Variants in PARD3B observed in about 807,000 individuals in gnomAD.
The protein encoded by PARD3B is par-3 family cell polarity regulator beta, also known as partitioning defective 3 homolog B.
PARD3B carries 103 observed loss-of-function variants against 130.2 expected under a neutral mutation model. That is an observed-to-expected ratio of 0.79 (90% CI 0.67 to 0.93). PARD3B has a LOEUF of 0.93. Among genes scored for constraint, PARD3B ranks in the 40% least tolerant of loss-of-function variants. The pLI is 0.00. For missense variants in PARD3B, 1,609 were observed against 1,499.2 expected, an observed-to-expected ratio of 1.07 and a Z score of -1.21; for synonymous variants, 583 against 553.2, an observed-to-expected ratio of 1.05 and a Z score of -0.76.
In PARD3B at chr2:205,124,503, C is replaced by T. The variant is rs750344335; in HGVS notation, c.1305+37C>T. 5 of 1,489,812 alleles carry T rather than the reference C, an allele frequency of 3.4e-6. No individual in the cohort carries two copies. In the African/African-American group the frequency reaches 5.6e-5, roughly 17 times the overall value. 92.3% of individuals were successfully genotyped at this position (1,489,812 alleles called of 1,614,324 possible). On this transcript the variant is annotated intron_variant, in intron 9 of 22. Coordinates refer to ENST00000406610, the MANE Select transcript of PARD3B (RefSeq NM_001302769.2). ...AATTAATAGTTGTATGAAAATATTT[C>T]TTGGCATTTAAATAATGCCATTTAA...
intron 10 of PARD3B, among the ~76,000 whole-genome samples, chr2:205,152,492 A>G (rs965370382): frequency 6.6e-6 from 1 of 151,972 alleles, no homozygotes; most frequent in East Asian, 1.9e-4. Flanking sequence ...TTCTCGCTTC[A>G]TTTCATTCAT....
In PARD3B at chr2:205,000,019, G is replaced by GTT. The variant is rs796978993; in HGVS notation, c.394+34708_394+34709dup. ...ATATAAGGAGTGTTCAAGTCACAGG[G>GTT]TTTTTTTTTTTTTATCGTGCTCCTT... is the stretch of plus-strand genomic sequence containing the variant. On this transcript the variant is annotated intron_variant, in intron 3 of 22. Coordinates refer to ENST00000406610, the MANE Select transcript of PARD3B (RefSeq NM_001302769.2). Among the ~76,000 whole-genome samples, 397 of 144,722 alleles carry GTT rather than the reference G, an allele frequency of 2.7e-3. 2 individuals are homozygous for GTT. Among genetic ancestry groups the GTT allele is most frequent in the African/African-American group, 9.1e-3 (360 of 39,758 alleles). 94.9% of individuals were successfully genotyped at this position (144,722 alleles called of 152,430 possible).
At position 205,351,808 on chromosome 2, in the gene PARD3B, A is replaced by G. The variant is rs2044004009; in HGVS notation, c.2631-49205A>G. Among the ~76,000 whole-genome samples, 1 of 152,150 alleles carries G rather than the reference A, an allele frequency of 6.6e-6. No individual in the cohort carries two copies. The highest frequency in any genetic ancestry group is 1.5e-5 in the Non-Finnish European group (1 of 68,012). The stretch of plus-strand genomic sequence containing the variant: ...AATGTAGGGCAGAAACAAGAAAAAA[A>G]AAAAACGTTGGCTTCCAGAGACCAG... On this transcript the variant is annotated intron_variant, in intron 18 of 22. Coordinates refer to ENST00000406610, the MANE Select transcript of PARD3B (RefSeq NM_001302769.2). The surrounding 1 kb of genome is among the most constrained non-coding windows in gnomAD (Gnocchi z 4.2).
intron 1 of PARD3B, among the ~76,000 whole-genome samples, chr2:204,685,294 T>C (rs990417247): frequency 4.6e-5 from 7 of 152,152 alleles, no homozygotes; most frequent in Non-Finnish European, 1.0e-4. Context: ...TTTCTAAGAC[T>C]CACAGAACCA....
chr2:204,989,443 T>TTTTA (rs1442494382), intron 3 of PARD3B, among the ~76,000 whole-genome samples: 3 of 152,128 alleles, frequency 2.0e-5, no homozygotes, highest in Non-Finnish European at 2.9e-5. Context: ...TTAAATTAAA[T>TTTTA]ATTGAATTTG....
chr2:205,217,886 A>ATTTT, intron 15 of PARD3B, among the ~76,000 whole-genome samples: 2 of 94,120 alleles, frequency 2.1e-5, no homozygotes, highest in South Asian at 3.2e-4. Context: ...ATATATATAT[A>ATTTT]TATATATATT....
chr2:205,393,701 G>A (rs1041282454), intron 18 of PARD3B, among the ~76,000 whole-genome samples: 1 of 152,156 alleles, frequency 6.6e-6, no homozygotes, highest in African/African-American at 2.4e-5. Flanking sequence ...TAGGTTGGTG[G>A]TAATAACTGC....
chr2:205,194,336 ATGAC>A (rs1460918060), intron 15 of PARD3B, among the ~76,000 whole-genome samples: 5 of 152,226 alleles, frequency 3.3e-5, no homozygotes, highest in African/African-American at 1.2e-4. Context: ...AATTAACTAA[ATGAC>A]TGGGATGCAT....
intron 2 of PARD3B, among the ~76,000 whole-genome samples, chr2:204,792,274 A>G (rs779950294): frequency 6.6e-6 from 1 of 152,232 alleles, no homozygotes; most frequent in Non-Finnish European, 1.5e-5. Context: ...CAAATATCAG[A>G]ACATATTGTA....
chr2:205,532,007 C>A (rs553117525), intron 21 of PARD3B, among the ~76,000 whole-genome samples: 1 of 152,210 alleles, frequency 6.6e-6, no homozygotes, highest in African/African-American at 2.4e-5. Flanking sequence ...AGCGTGAACA[C>A]CGCTATTAAT....
At chr2:204,703,860 G>A (rs553828799) in intron 2 of PARD3B, among the ~76,000 whole-genome samples, 2 of 152,216 alleles carry the variant, frequency 1.3e-5, no homozygotes, top group South Asian at 4.1e-4. Context: ...ATGCCACAAT[G>A]TAGGGCACAT....
In PARD3B at chr2:205,122,056, T is replaced by A; in HGVS notation, c.1165+107T>A. The A allele has an allele frequency of 1.1e-6, 1 of 945,094 alleles. No individual in the cohort carries two copies. Among genetic ancestry groups the A allele is most frequent in the Non-Finnish European group, 1.5e-6 (1 of 648,454 alleles). 58.5% of individuals were successfully genotyped at this position (945,094 alleles called of 1,614,324 possible). ...AGTTAATTCTCCCTTCATTTAATTG[T>A]ATCAAAGAATAGATTTAAGTGTATA... On this transcript the variant is annotated intron_variant, in intron 8 of 22. Transcript: ENST00000406610. This position sits in a 1 kb window ranked among gnomAD's most constrained non-coding sequence, Gnocchi z 4.3.
intron 3 of PARD3B, among the ~76,000 whole-genome samples, chr2:205,042,088 G>A (rs1490521009): frequency 6.6e-6 from 1 of 152,050 alleles, no homozygotes; most frequent in Admixed American, 6.6e-5. Context: ...TGATTCATTG[G>A]TATACCAATT....
chr2:205,392,436 A>T (rs2045891403), intron 18 of PARD3B, among the ~76,000 whole-genome samples: 1 of 152,212 alleles, frequency 6.6e-6, no homozygotes, highest in Admixed American at 6.5e-5. Flanking sequence ...AGGGTAGCAG[A>T]CACAGATACC....
At chr2:205,032,984 G>A (rs565404560) in intron 3 of PARD3B, among the ~76,000 whole-genome samples, 1 of 152,326 alleles carries the variant, frequency 6.6e-6, no homozygotes, top group African/African-American at 2.4e-5. Flanking sequence ...GTTTGCAACT[G>A]CAGCTCAATG....
intron 21 of PARD3B, among the ~76,000 whole-genome samples, chr2:205,528,043 A>G (rs933790785): frequency 1.3e-5 from 2 of 152,158 alleles, no homozygotes; most frequent in African/African-American, 4.8e-5. Context: ...ACAGCCAGCT[A>G]TTATAGTCAG....
intron 15 of PARD3B, among the ~76,000 whole-genome samples, chr2:205,220,019 T>G (rs2038154631): frequency 6.6e-6 from 1 of 152,146 alleles, no homozygotes; most frequent in Admixed American, 6.5e-5. Context: ...CAGGGAGAAC[T>G]GTTGAGCCGC....
chr2:204,638,326 G>A (rs190102843), intron 1 of PARD3B, among the ~76,000 whole-genome samples: 1 of 152,234 alleles, frequency 6.6e-6, no homozygotes. Context: ...ATTTATTAAA[G>A]CGATTTCATA....
At chr2:205,076,928 T>C (rs1427111135) in intron 4 of PARD3B, among the ~76,000 whole-genome samples, 5 of 152,134 alleles carry the variant, frequency 3.3e-5, no homozygotes, top group Non-Finnish European at 7.4e-5. Context: ...ATATTCTGAG[T>C]AAACTACTAT....
Sources: gnomAD v4.1 joint callset for allele counts (sites outside exome capture counted in the v4.1 genomes callset) on GRCh38, gnomAD v4.1.1 for gene constraint, Gnocchi (gnomAD v3.1) non-coding constraint, MANE v1.5 for transcripts, NCBI Gene and HGNC (gene_info 2026-07-23, HGNC 2026-07-21) for gene names.